The following UPF2 variants were observed in gnomAD, a reference collection of about 807,000 sequenced individuals.
UPF2 encodes the protein UPF2 regulator of nonsense mediated mRNA decay, also known as regulator of nonsense transcripts 2.
A neutral mutation model predicts 141.4 loss-of-function variants in UPF2; 17 were observed. That is an observed-to-expected ratio of 0.12 (90% CI 0.08 to 0.18). UPF2 has a LOEUF of 0.18. Among genes scored for constraint, UPF2 ranks in the 10% least tolerant of loss-of-function variants. The pLI, the probability that UPF2 is intolerant of heterozygous loss-of-function variation, is 1.00. For missense variants in UPF2, 1,152 were observed against 1,515.9 expected, an observed-to-expected ratio of 0.76 and a Z score of 3.99; for synonymous variants, 540 against 498.0, an observed-to-expected ratio of 1.08 and a Z score of -1.12.
At chr10:12,007,658 G>A (rs1022751787) in intron 4 of UPF2, among the ~76,000 whole-genome samples, 10 of 151,558 alleles carry the variant, frequency 6.6e-5, no homozygotes, top group African/African-American at 1.5e-4. Flanking sequence ...GTGAAACCCC[G>A]TCTCTACTAA....
At chr10:12,031,755 G>A (rs1834528127) in intron 2 of UPF2, among the ~76,000 whole-genome samples, 1 of 152,090 alleles carries the variant, frequency 6.6e-6, no homozygotes, top group African/African-American at 2.4e-5. Flanking sequence ...CAGCCTGGGT[G>A]ACAGAGTGAG....
At chr10:12,025,818 A>G (rs1211689590) in intron 3 of UPF2, among the ~76,000 whole-genome samples, 1 of 152,230 alleles carries the variant, frequency 6.6e-6, no homozygotes, top group Non-Finnish European at 1.5e-5. Flanking sequence ...GTTTCGAGAC[A>G]GGGTCTCTCT....
intron 18 of UPF2, among the ~76,000 whole-genome samples, chr10:11,938,853 G>GTTTTTTTTTTGTTT (rs1832890354): frequency 1.3e-5 from 1 of 79,814 alleles, no homozygotes; most frequent in African/African-American, 5.0e-5. Flanking sequence ...TTTTTTTTTT[G>GTTTTTTTTTTGTTT]TTTTTTTTTT....
chr10:11,920,980 C>T lies in UPF2; in HGVS notation c.*318G>A, dbSNP rs773656842. 1.6e-6 allele frequency: 1 copy of T among 606,158 alleles called. No homozygotes were observed. The highest frequency in any genetic ancestry group is 3.2e-6 in the Non-Finnish European group (1 of 308,038). 37.5% of individuals were successfully genotyped at this position (606,158 alleles called of 1,614,324 possible). A position where few individuals can be genotyped will look rare whatever the true frequency, so the allele number is the denominator to read the frequency against. Reference sequence around the variant, plus strand: ...TCTTCTCTGGCTCAATCATCTCCTTCACGCTCTCCTTGGTGTAACTGCTCA... The same window carrying T: ...TCTTCTCTGGCTCAATCATCTCCTTTACGCTCTCCTTGGTGTAACTGCTCA... On this transcript the variant is annotated 3_prime_UTR_variant, in exon 22 of 22. Transcript: ENST00000357604.
chr10:11,938,853 G>GT (rs58106776), intron 18 of UPF2, among the ~76,000 whole-genome samples: 4,462 of 79,542 alleles, frequency 0.056, 982 homozygotes, highest in Non-Finnish European at 0.083. Context: ...TTTTTTTTTT[G>GT]TTTTTTTTTT....
Position 11,996,863 on chromosome 10 carries a change from C to T in UPF2, c.1844+809G>A, listed in dbSNP as rs139236098. Reference sequence around the variant, plus strand: ...TTACCATTATCAAGAGATCATGGGCCTCCATCAATGAATGAACCACATTAA... The same window carrying T: ...TTACCATTATCAAGAGATCATGGGCTTCCATCAATGAATGAACCACATTAA... On this transcript the variant is annotated intron_variant, in intron 8 of 21. Coordinates refer to ENST00000357604, the MANE Select transcript of UPF2 (RefSeq NM_015542.4). Among the ~76,000 whole-genome samples, 1,236 of 152,242 alleles carry T rather than the reference C, an allele frequency of 8.1e-3. 12 individuals are homozygous for T. The highest frequency in any genetic ancestry group is 0.013 in the Non-Finnish European group (913 of 68,024).
chr10:11,952,552 G>A (rs573119745), intron 14 of UPF2, among the ~76,000 whole-genome samples: 52 of 135,906 alleles, frequency 3.8e-4, no homozygotes, highest in African/African-American at 1.5e-3. Flanking sequence ...TCAGCTCACT[G>A]CAAGCTCCGC....
At chr10:11,994,805 T>C (rs1192675221) in intron 8 of UPF2, among the ~76,000 whole-genome samples, 1 of 151,420 alleles carries the variant, frequency 6.6e-6, no homozygotes, top group East Asian at 1.9e-4. Context: ...TAAAACCCCA[T>C]CTCTACTAAA....
At chr10:11,985,882 TCC>T in intron 8 of UPF2, among the ~76,000 whole-genome samples, 1 of 105,870 alleles carries the variant, frequency 9.4e-6, no homozygotes, top group Admixed American at 1.1e-4. Context: ...ATTAGATCCT[TCC>T]TTTTTTTTTT....
intron 20 of UPF2, among the ~76,000 whole-genome samples, chr10:11,930,991 G>A (rs1474612805): frequency 6.6e-6 from 1 of 152,116 alleles, no homozygotes. Flanking sequence ...CCATGGACTC[G>A]ATGTGTAAGG....
chr10:11,932,186 T>A (rs919431586), intron 19 of UPF2, among the ~76,000 whole-genome samples: 1 of 151,892 alleles, frequency 6.6e-6, no homozygotes, highest in Non-Finnish European at 1.5e-5. Flanking sequence ...AATTTCTTAA[T>A]CATCATGAAC....
intron 2 of UPF2, among the ~76,000 whole-genome samples, chr10:12,032,894 G>A (rs1051717798): frequency 6.6e-6 from 1 of 151,648 alleles, no homozygotes; most frequent in Admixed American, 6.6e-5. Flanking sequence ...CTACTCAGGA[G>A]GCAGGAGGAA....
chr10:11,925,211 G>A (rs138379507), intron 21 of UPF2, among the ~76,000 whole-genome samples: 16 of 152,230 alleles, frequency 1.1e-4, no homozygotes, highest in African/African-American at 3.1e-4. Context: ...CATGTTTATC[G>A]CACCTATACT....
At position 11,963,661 on chromosome 10, in the gene UPF2, A is replaced by C. The variant is rs548463985; in HGVS notation, c.2184+348T>G. Among the ~76,000 whole-genome samples the C allele has an allele frequency of 3.9e-5, 6 of 152,356 alleles. No individual in the cohort carries two copies. In the East Asian group the frequency reaches 9.6e-4, roughly 24 times the overall value. Reference sequence around the variant, plus strand: ...TTATGTGCTTACATGACACATGAATAATGGTTTGAGATGCACCAAAACATT... The same window carrying C: ...TTATGTGCTTACATGACACATGAATCATGGTTTGAGATGCACCAAAACATT... On this transcript the variant is annotated intron_variant, in intron 11 of 21. Transcript: ENST00000357604.
In UPF2 at chr10:12,016,994, T is replaced by TGA; in HGVS notation, c.1146-2812_1146-2811dup. ...GAGATTGCACCATTGCACTCCAGCCTGAGCAACAGAGCGAGACTCCATCTC... is the reference window on the plus strand; with the variant it reads ...GAGATTGCACCATTGCACTCCAGCCTGAGAGCAACAGAGCGAGACTCCATCTC... On this transcript the variant is annotated intron_variant, in intron 3 of 21. Coordinates refer to ENST00000357604, the MANE Select transcript of UPF2 (RefSeq NM_015542.4). This position sits in a 1 kb window ranked among gnomAD's most constrained non-coding sequence, Gnocchi z 4.1. Among the ~76,000 whole-genome samples the TGA allele has an allele frequency of 6.8e-6, 1 of 146,448 alleles. No individual in the cohort carries two copies. Among genetic ancestry groups the TGA allele is most frequent in the East Asian group, 2.0e-4 (1 of 5,042 alleles).
rs964003885 is a variant in UPF2, at chr10:11,979,396, T to C, written c.1845-231A>G. Among the ~76,000 whole-genome samples, 6 of 152,238 alleles carry C rather than the reference T, an allele frequency of 3.9e-5. No individual in the cohort carries two copies. The highest frequency in any genetic ancestry group is 7.3e-5 in the Non-Finnish European group (5 of 68,042). The stretch of plus-strand genomic sequence containing the variant: ...ATTCCGTGAATTTACTGCACATCTG[T>C]AGTTTTATTATGTAATTTTGATGAA... On this transcript the variant is annotated intron_variant, in intron 8 of 21. Transcript: ENST00000357604. This position sits in a 1 kb window ranked among gnomAD's most constrained non-coding sequence, Gnocchi z 6.2.
At chr10:11,997,781 T>C (rs764122237) in intron 7 of UPF2, 24 bp from the exon 8 acceptor site, 1 of 1,608,164 alleles carries the variant, frequency 6.2e-7, no homozygotes, top group African/African-American at 1.3e-5. Context: ...GTAAACTTTT[T>C]CTTTAAAAAC....
At chr10:11,945,223 A>G (rs1435304650) in intron 16 of UPF2, among the ~76,000 whole-genome samples, 1 of 152,206 alleles carries the variant, frequency 6.6e-6, no homozygotes, top group East Asian at 1.9e-4. Flanking sequence ...TCAGGTTGTT[A>G]GGTGCTCAAA....
intron 9 of UPF2, among the ~76,000 whole-genome samples, chr10:11,973,184 T>C (rs1178789356): frequency 1.3e-5 from 2 of 152,256 alleles, no homozygotes; most frequent in African/African-American, 4.8e-5. Flanking sequence ...AATGTCTTCT[T>C]TTGAGAAGTG....
Sources: allele counts gnomAD v4.1 joint callset (sites outside exome capture counted in the v4.1 genomes callset), GRCh38; gene constraint gnomAD v4.1.1; non-coding constraint Gnocchi (gnomAD v3.1); transcripts MANE v1.5; gene names NCBI Gene and HGNC (gene_info 2026-07-23, HGNC 2026-07-21).